Variants in GRIK2 observed in about 807,000 individuals in gnomAD.
GRIK2 encodes the protein glutamate receptor ionotropic, kainate 2.
GRIK2 carries 32 observed loss-of-function variants against 100.3 expected under a neutral mutation model. That is an observed-to-expected ratio of 0.32 (90% confidence interval 0.24 to 0.43). GRIK2 has a LOEUF of 0.43. Among genes scored for constraint, GRIK2 ranks in the 20% least tolerant of loss-of-function variants. The pLI, the probability that GRIK2 is intolerant of heterozygous loss-of-function variation, is 1.00. For synonymous variants in GRIK2, 417 were observed against 389.4 expected (o/e 1.07, Z -0.83); for missense variants, 843 against 1,114.9 (o/e 0.76, Z 3.47).
chr6:102,010,341 G>T (rs1032032074), intron 14 of GRIK2, among the ~76,000 whole-genome samples: 4 of 144,592 alleles, frequency 2.8e-5, no homozygotes, highest in Non-Finnish European at 6.0e-5. Flanking sequence ...TATTCATCCC[G>T]CCCTCCTTTC....
intron 6 of GRIK2, among the ~76,000 whole-genome samples, chr6:101,682,926 G>T (rs569518877): frequency 6.6e-6 from 1 of 152,030 alleles, no homozygotes; most frequent in Non-Finnish European, 1.5e-5. Flanking sequence ...AAATTCAGCC[G>T]GGCACAGTGG....
intron 14 of GRIK2, among the ~76,000 whole-genome samples, chr6:101,983,569 C>T (rs1333263732): frequency 4.0e-5 from 6 of 151,570 alleles, no homozygotes; most frequent in African/African-American, 1.5e-4. Context: ...TTAAATGACC[C>T]ATTGGCATAT....
intron 2 of GRIK2, among the ~76,000 whole-genome samples, chr6:101,574,421 A>G (rs908728762): frequency 8.7e-5 from 13 of 149,602 alleles, no homozygotes. Context: ...TACAACAGTT[A>G]TGTATGTATA....
chr6:101,505,180 C>T (rs1773960411), intron 2 of GRIK2, among the ~76,000 whole-genome samples: 1 of 151,510 alleles, frequency 6.6e-6, no homozygotes, highest in Non-Finnish European at 1.5e-5. Flanking sequence ...TCACATTGTT[C>T]AATTATCATA....
chr6:102,013,219 A>G lies in GRIK2; in HGVS notation c.2086-22122A>G, dbSNP rs376125339. The stretch of plus-strand genomic sequence containing the variant: ...CAGTTGTGAATGGGATTGCATTCCT[A>G]ATCTGGTTCTTACCTTGGCTGTTGC... On this transcript the variant is annotated intron_variant, in intron 14 of 16. Transcript: ENST00000369134. Among the ~76,000 whole-genome samples, 26 of 152,154 alleles carry G rather than the reference A, an allele frequency of 1.7e-4. No individual in the cohort carries two copies. In the East Asian group the frequency reaches 4.6e-3, roughly 27 times the overall value.
At chr6:101,757,953 T>C (rs1041225935) in intron 7 of GRIK2, among the ~76,000 whole-genome samples, 1 of 152,314 alleles carries the variant, frequency 6.6e-6, no homozygotes, top group South Asian at 2.1e-4. Context: ...CACAACTGGG[T>C]GCAATGGCAC....
chr6:101,914,612 A>G (rs2257064), intron 12 of GRIK2, among the ~76,000 whole-genome samples: 141,789 of 151,296 alleles, frequency 0.94, 66,479 homozygotes, highest in Middle Eastern at 0.97. Flanking sequence ...TGATCCTGAC[A>G]ATGTGTTGCC....
intron 2 of GRIK2, among the ~76,000 whole-genome samples, chr6:101,418,361 A>G (rs1277969239): frequency 6.6e-6 from 1 of 152,186 alleles, no homozygotes; most frequent in East Asian, 1.9e-4. Flanking sequence ...TGCTCAGTGC[A>G]GAGTTTAACA....
Position 102,063,885 on chromosome 6 carries a change from A to G in GRIK2, c.2563-4462A>G. ...ATAAATTGACTAATTAAATATAATG[A>G]ATTTTATTAAGAGTTTTACTAATTT... On this transcript the variant is annotated intron_variant, in intron 16 of 16. Coordinates refer to ENST00000369134, the MANE Select transcript of GRIK2 (RefSeq NM_021956.5). The G allele has an allele frequency of 9.0e-6, 6 of 668,934 alleles. No individual in the cohort carries two copies. In the South Asian group the frequency reaches 1.1e-4, roughly 12 times the overall value. The allele number at this position is 668,934 out of a possible 1,614,324, so 41.4% of individuals were successfully genotyped here.
chr6:102,068,641 C>G lies in GRIK2; in HGVS notation c.*130C>G. ...TACCTCATGCCGCTGTGTCTATGAA[C>G]TAGAGACTCTGTGATCTAAGCAGTT... On this transcript the variant is annotated 3_prime_UTR_variant, in exon 17 of 17. Transcript: ENST00000369134. 1 of 714,070 alleles carries G rather than the reference C, an allele frequency of 1.4e-6. No homozygotes were observed. Among genetic ancestry groups the G allele is most frequent in the Non-Finnish European group, 2.3e-6 (1 of 432,758 alleles). The allele number at this position is 714,070 out of a possible 1,614,324, so 44.2% of individuals were successfully genotyped here.
intron 2 of GRIK2, among the ~76,000 whole-genome samples, chr6:101,550,979 C>T (rs1776484706): frequency 6.6e-6 from 1 of 152,110 alleles, no homozygotes; most frequent in South Asian, 2.1e-4. Flanking sequence ...TTATTGTTCT[C>T]TTCTCTGCTC....
chr6:101,774,151 CT>C (rs1390397018), intron 7 of GRIK2, among the ~76,000 whole-genome samples: 1 of 151,990 alleles, frequency 6.6e-6, no homozygotes, highest in Non-Finnish European at 1.5e-5. Flanking sequence ...AATATTTGAA[CT>C]CATGGACCTA....
chr6:101,398,311 A>T (rs759078156), intron 1 of GRIK2, among the ~76,000 whole-genome samples: 2 of 152,172 alleles, frequency 1.3e-5, no homozygotes, highest in Non-Finnish European at 2.9e-5. Flanking sequence ...ATGGGTGGAA[A>T]ATTTAACTTC....
chr6:102,054,520 TTA>T (rs937803660), intron 15 of GRIK2, among the ~76,000 whole-genome samples: 1 of 152,104 alleles, frequency 6.6e-6, no homozygotes, highest in African/African-American at 2.4e-5. Context: ...TTCAATATTT[TTA>T]TATGTTTCTG....
At chr6:101,820,581 G>C (rs1781895317) in intron 10 of GRIK2, among the ~76,000 whole-genome samples, 1 of 152,078 alleles carries the variant, frequency 6.6e-6, no homozygotes, top group African/African-American at 2.4e-5. Flanking sequence ...GAGTAGCTGG[G>C]ACTACAGGCG....
In GRIK2 at chr6:101,436,879, T is replaced by G. The variant is rs1769748138; in HGVS notation, c.115+37487T>G. 2.0e-5 allele frequency among the ~76,000 whole-genome samples: 3 copies of G among 151,268 alleles called. No individual in the cohort carries two copies. The South Asian group carries it at 6.2e-4, about 31-fold the overall frequency. On this transcript the variant is annotated intron_variant, in intron 2 of 16. Coordinates refer to ENST00000369134, the MANE Select transcript of GRIK2 (RefSeq NM_021956.5). ...TAAATATGTATACTTAAAAGTCCTA[T>G]ATAATTTAAAATTATATTGTAAATT...
At chr6:102,034,956 G>A (rs1330983827) in intron 14 of GRIK2, among the ~76,000 whole-genome samples, 2 of 151,080 alleles carry the variant, frequency 1.3e-5, no homozygotes, top group South Asian at 2.1e-4. Flanking sequence ...TCTCTTCCAC[G>A]TTTGTTGTAA....
intron 12 of GRIK2, among the ~76,000 whole-genome samples, chr6:101,918,276 A>G (rs1789250988): frequency 6.6e-6 from 1 of 151,688 alleles, no homozygotes; most frequent in Non-Finnish European, 1.5e-5. Context: ...ATTTCAGCTT[A>G]AGGAAAAAAA....
chr6:101,403,832 C>T (rs1775460634), intron 2 of GRIK2, among the ~76,000 whole-genome samples: 1 of 152,146 alleles, frequency 6.6e-6, no homozygotes, highest in Admixed American at 6.5e-5. Context: ...AAAGCCTGAA[C>T]ACCTGCTTAG....
Sources: gnomAD v4.1 joint callset for allele counts (sites outside exome capture counted in the v4.1 genomes callset) on GRCh38, gnomAD v4.1.1 for gene constraint, MANE v1.5 for transcripts, NCBI Gene and HGNC (gene_info 2026-07-23, HGNC 2026-07-21) for gene names.